The following ATP8A1 variants were observed in gnomAD, a reference collection of about 807,000 sequenced individuals.
The protein encoded by ATP8A1 is ATPase phospholipid transporting 8A1, also known as phospholipid-transporting ATPase IA.
In ATP8A1, 90 loss-of-function variants were observed where a neutral mutation model predicts 177.7. The observed-to-expected ratio is 0.51, with a 90% CI of 0.43 to 0.60. The LOEUF is 0.60. ATP8A1 is among the 20% of genes least tolerant of loss of function. The probability of loss-of-function intolerance (pLI) is 0.00; values close to 1 mark genes in which losing one functional copy is unlikely to be tolerated. For synonymous variants in ATP8A1, 493 were observed against 485.9 expected (o/e 1.01, Z -0.19); for missense variants, 1,072 against 1,392.8 (o/e 0.77, Z 3.67).
chr4:42,439,889 G>C (rs910780924), intron 33 of ATP8A1, among the ~76,000 whole-genome samples: 4 of 152,218 alleles, frequency 2.6e-5, no homozygotes, highest in African/African-American at 9.7e-5. Context: ...GTTTAAGGTA[G>C]CAGACCTGGG....
At chr4:42,622,296 C>T (rs931160948) in intron 4 of ATP8A1, among the ~76,000 whole-genome samples, 3 of 151,544 alleles carry the variant, frequency 2.0e-5, no homozygotes, top group Admixed American at 6.6e-5. Flanking sequence ...GTGGGAGAAT[C>T]GCTTGAACCC....
At chr4:42,588,187 C>G (rs1448744188) in intron 8 of ATP8A1, 73 bp downstream of exon 8, 1 of 1,306,198 alleles carries the variant, frequency 7.7e-7, no homozygotes, top group Non-Finnish European at 1.1e-6. Context: ...AAGACAATAA[C>G]ACAAAGAAAG....
At chr4:42,428,907 C>T (rs926274063) in intron 33 of ATP8A1, among the ~76,000 whole-genome samples, 6 of 152,194 alleles carry the variant, frequency 3.9e-5, no homozygotes, top group African/African-American at 7.2e-5. Context: ...GAGGACACTA[C>T]TTGGGCTTCC....
In ATP8A1 at chr4:42,527,752, G is replaced by A. The variant is rs577658876; in HGVS notation, c.1723-2905C>T. 6.8e-5 allele frequency among the ~76,000 whole-genome samples: 10 copies of A among 146,950 alleles called. No individual in the cohort carries two copies. The South Asian group carries it at 8.4e-4, about 12-fold the overall frequency. On this transcript the variant is annotated intron_variant, in intron 20 of 36. Transcript: ENST00000381668. ...TATATAAGCAGAAAACTTCTAGGTC[G>A]AATGGATAAAAGACTAATTTTGAGT...
chr4:42,525,039 ATCT>A, intron 20 of ATP8A1, among the ~76,000 whole-genome samples, 192 bp from the exon 21 acceptor site: 2 of 152,216 alleles, frequency 1.3e-5, no homozygotes, highest in Non-Finnish European at 2.9e-5. Context: ...CTAGTCTTGC[ATCT>A]TCATCTTTCC....
At chr4:42,615,338 G>A (rs1736793554) in intron 5 of ATP8A1, among the ~76,000 whole-genome samples, 1 of 152,040 alleles carries the variant, frequency 6.6e-6, no homozygotes. Flanking sequence ...GATAATGTTG[G>A]CAGACATCAC....
chr4:42,483,493 T>C (rs1308964214), intron 25 of ATP8A1, among the ~76,000 whole-genome samples: 1 of 152,090 alleles, frequency 6.6e-6, no homozygotes, highest in Non-Finnish European at 1.5e-5. Flanking sequence ...ACACACATCT[T>C]TATAAGCTCA....
At chr4:42,432,588 G>A (rs535028346) in intron 33 of ATP8A1, among the ~76,000 whole-genome samples, 24 of 152,296 alleles carry the variant, frequency 1.6e-4, no homozygotes, top group African/African-American at 5.3e-4. Flanking sequence ...AATTCATTAT[G>A]GTAGTTGGGC....
intron 6 of ATP8A1, among the ~76,000 whole-genome samples, chr4:42,594,718 G>A (rs534053694): frequency 9.2e-5 from 14 of 151,968 alleles, no homozygotes; most frequent in Non-Finnish European, 1.5e-4. Context: ...AACTGGAGAC[G>A]CTATCATATA....
chr4:42,529,347 C>T (rs1727021513), intron 20 of ATP8A1, among the ~76,000 whole-genome samples: 1 of 152,196 alleles, frequency 6.6e-6, no homozygotes, highest in Non-Finnish European at 1.5e-5. Context: ...CAGCTCTTGG[C>T]TTGTTACTGG....
chr4:42,493,723 C>A (rs1267543142), intron 24 of ATP8A1, among the ~76,000 whole-genome samples: 1 of 152,150 alleles, frequency 6.6e-6, no homozygotes, highest in Non-Finnish European at 1.5e-5. Flanking sequence ...GACTTAACTT[C>A]TCTGAATCAC....
chr4:42,623,008 T>TAAAAAAAAA (rs1202733634), intron 4 of ATP8A1, among the ~76,000 whole-genome samples: 1 of 61,556 alleles, frequency 1.6e-5, no homozygotes, highest in Admixed American at 1.8e-4. Context: ...AAACTCTGTC[T>TAAAAAAAAA]CAAAAAAAAA....
chr4:42,652,735 T>C (rs1741225069), intron 1 of ATP8A1, among the ~76,000 whole-genome samples: 1 of 152,192 alleles, frequency 6.6e-6, no homozygotes. Context: ...GATCTGATAG[T>C]TTTATAAAGA....
chr4:42,507,805 A>AC (rs1382712759), intron 22 of ATP8A1, among the ~76,000 whole-genome samples: 1 of 146,496 alleles, frequency 6.8e-6, no homozygotes, highest in Non-Finnish European at 1.5e-5. Flanking sequence ...AAAAAAAAAA[A>AC]AAAACATACA....
At chr4:42,526,134 T>C (rs1726646725) in intron 20 of ATP8A1, among the ~76,000 whole-genome samples, 1 of 152,072 alleles carries the variant, frequency 6.6e-6, no homozygotes, top group African/African-American at 2.4e-5. Flanking sequence ...GTAATATAGC[T>C]AAAAGGATTA....
intron 1 of ATP8A1, among the ~76,000 whole-genome samples, chr4:42,633,793 C>T (rs544800453): frequency 6.8e-6 from 1 of 146,592 alleles, no homozygotes; most frequent in African/African-American, 2.5e-5. Context: ...GCTAGTGATG[C>T]TACTATAGCT....
At chr4:42,639,486 A>G (rs954673590) in intron 1 of ATP8A1, among the ~76,000 whole-genome samples, 1 of 152,212 alleles carries the variant, frequency 6.6e-6, no homozygotes, top group Non-Finnish European at 1.5e-5. Flanking sequence ...TCTATCAAGG[A>G]TAATCATCTT....
chr4:42,522,037 G>T, intron 22 of ATP8A1, 123 bp downstream of exon 22: 1 of 1,058,788 alleles, frequency 9.4e-7, no homozygotes, highest in Non-Finnish European at 1.3e-6. Context: ...GATGATGAGA[G>T]GGTATTCAAT....
intron 6 of ATP8A1, among the ~76,000 whole-genome samples, chr4:42,596,611 G>A (rs1283406487): frequency 6.1e-5 from 9 of 148,062 alleles, no homozygotes; most frequent in Admixed American, 2.7e-4. Context: ...AGGTTGCAGT[G>A]AGCCGAGATT....
Sources: allele counts gnomAD v4.1 joint callset (sites outside exome capture counted in the v4.1 genomes callset), GRCh38; gene constraint gnomAD v4.1.1; transcripts MANE v1.5; gene names NCBI Gene and HGNC (gene_info 2026-07-23, HGNC 2026-07-21).